Variants in MYLIP observed in about 807,000 individuals in gnomAD.
MYLIP encodes the protein myosin regulatory light chain interacting protein.
A neutral mutation model predicts 45.8 loss-of-function variants in MYLIP; 26 were observed. That is an observed-to-expected ratio of 0.57 (90% CI 0.42 to 0.79). MYLIP has a LOEUF of 0.79. Ranked by LOEUF, MYLIP falls within the 30% of genes least tolerant of loss-of-function variation. The pLI, the probability that MYLIP is intolerant of heterozygous loss-of-function variation, is 0.00. For missense variants in MYLIP, 494 were observed against 555.6 expected (o/e 0.89, Z 1.11); for synonymous variants, 213 against 218.1 (o/e 0.98, Z 0.21).
At position 16,145,417 on chromosome 6, in the gene MYLIP, G is replaced by A. The variant is rs569061086; in HGVS notation, c.1248+100G>A. ...ACTGGCTCGCTAATGCACAGACGGG[G>A]AATGCCCATCTTCACCCGGAAAGGG... On this transcript the variant is annotated intron_variant, in intron 6 of 6. Transcript: ENST00000356840. 5.2e-6 allele frequency: 7 copies of A among 1,338,370 alleles called. No individual in the cohort carries two copies. The South Asian group carries it at 1.1e-4, about 20-fold the overall frequency. The allele number at this position is 1,338,370 out of a possible 1,614,324, so 82.9% of individuals were successfully genotyped here.
chr6:16,130,716 G>A lies in MYLIP; in HGVS notation c.247G>A (p.Glu83Lys), dbSNP rs1439925620. ...RLKLRVKFFV[E>K]PHLILQEQTR... Reference sequence around the variant, plus strand: ...TAAACTTAGAGTCAAGTTCTTCGTGGAGCCTCATCTCATCTTACAGGAGCA... The same window carrying A: ...TAAACTTAGAGTCAAGTTCTTCGTGAAGCCTCATCTCATCTTACAGGAGCA... The change falls in exon 2 of 7, where the codon GAG (glutamate) becomes AAG (lysine). Residue 83 changes from glutamate to lysine, a missense_variant. By Grantham distance (56) the Glu-to-Lys change is moderately conservative. Coordinates refer to ENST00000356840, the MANE Select transcript of MYLIP (RefSeq NM_013262.4). 2 of 1,613,956 alleles carry A rather than the reference G, an allele frequency of 1.2e-6. No homozygotes were observed. The highest frequency in any genetic ancestry group is 1.7e-6 in the Non-Finnish European group (2 of 1,180,014).
chr6:16,143,830 A>G lies in MYLIP; in HGVS notation c.794A>G (p.Tyr265Cys). ...MISTRAASGL[Y>C]RAITETHAFY... ...AGCACCAGGGCGGCCAGCGGGCTCT[A>G]CCGAGCGATAACAGAGACGCACGCA... Residue 265 changes from tyrosine (Y) to cysteine (C), a missense_variant, in exon 5 of 7, where the codon TAC becomes TGC. Transcript: ENST00000356840. The G allele has an allele frequency of 2.5e-6, 4 of 1,613,124 alleles. No individual in the cohort carries two copies. Among genetic ancestry groups the G allele is most frequent in the Non-Finnish European group, 3.4e-6 (4 of 1,179,808 alleles).
the MYLIP span, chr6:16,163,546 T>G: frequency 6.6e-6 from 1 of 152,268 alleles, no homozygotes; most frequent in Non-Finnish European, 1.5e-5. Flanking sequence ...CTCCTCTTTT[T>G]CTAGGTTCTT....
At chr6:16,158,727 G>T in the MYLIP span, among the ~76,000 whole-genome samples, 1 of 152,052 alleles carries the variant, frequency 6.6e-6, no homozygotes, top group African/African-American at 2.4e-5. Flanking sequence ...AAAATTAGCC[G>T]CGCGTGGTGG....
At chr6:16,139,208 C>T (rs1178048539) in intron 2 of MYLIP, among the ~76,000 whole-genome samples, 9 of 152,180 alleles carry the variant, frequency 5.9e-5, no homozygotes, top group Admixed American at 5.9e-4. Flanking sequence ...TGAGACCATC[C>T]TGGCTAACAC....
rs765854280 is a variant in MYLIP, at chr6:16,129,421, G to A, written c.87+12G>A. 6 of 1,570,844 alleles carry A rather than the reference G, an allele frequency of 3.8e-6. No homozygotes were observed. Among genetic ancestry groups the A allele is most frequent in the African/African-American group, 2.7e-5 (2 of 73,734 alleles). ...ACTGCCTCAACCAGGTGAGGGCGAGGGGCAAGAAGGGGCCCCGGCGGGTCC... is the reference window on the plus strand; with the variant it reads ...ACTGCCTCAACCAGGTGAGGGCGAGAGGCAAGAAGGGGCCCCGGCGGGTCC... On this transcript the variant is annotated intron_variant, in intron 1 of 6. Coordinates refer to ENST00000356840, the MANE Select transcript of MYLIP (RefSeq NM_013262.4). The surrounding 1 kb of genome is among the most constrained non-coding windows in gnomAD (Gnocchi z 5.1).
downstream of MYLIP, among the ~76,000 whole-genome samples, chr6:16,151,897 G>C (rs1759884475): frequency 6.6e-6 from 1 of 152,206 alleles, no homozygotes; most frequent in Non-Finnish European, 1.5e-5. Context: ...CTATCAAGGA[G>C]TGATTCTTCT....
chr6:16,130,296 G>T (rs1759432163), intron 1 of MYLIP, among the ~76,000 whole-genome samples: 5 of 152,098 alleles, frequency 3.3e-5, no homozygotes, highest in Admixed American at 3.3e-4. Flanking sequence ...TCATCTTTTG[G>T]AAGGCTACTT....
chr6:16,130,540 A>T lies in MYLIP; in HGVS notation c.88-17A>T. 2 of 1,612,304 alleles carry T rather than the reference A, an allele frequency of 1.2e-6. No individual in the cohort carries two copies. Among genetic ancestry groups the T allele is most frequent in the Non-Finnish European group, 1.7e-6 (2 of 1,178,906 alleles). ...CGTACCATTTGCTCATCCAGGCTGC[A>T]TTCCTTTTTGTTTTAGGTGTGCAGG... On this transcript the variant is annotated splice_polypyrimidine_tract_variant and intron_variant, in intron 1 of 6. Coordinates refer to ENST00000356840, the MANE Select transcript of MYLIP (RefSeq NM_013262.4).
rs1290914624 is a variant in MYLIP, at chr6:16,147,230, ATTG to A, written c.*484_*486del. The A allele has an allele frequency of 1.3e-5, 2 of 154,192 alleles. No homozygotes were observed. The highest frequency in any genetic ancestry group is 1.3e-4 in the Admixed American group (2 of 15,668). The allele number at this position is 154,192 out of a possible 1,614,324, so 9.6% of individuals were successfully genotyped here. ...TTTTTAATAGGAAAGTCTTTTGTAAATTGTTGTCGTTTTAATGTCATTTCTGTC... is the reference window on the plus strand; with the variant it reads ...TTTTTAATAGGAAAGTCTTTTGTAAATTGTCGTTTTAATGTCATTTCTGTC... On this transcript the variant is annotated 3_prime_UTR_variant, in exon 7 of 7. Coordinates refer to ENST00000356840, the MANE Select transcript of MYLIP (RefSeq NM_013262.4).
chr6:16,155,977 G>A, the MYLIP span, among the ~76,000 whole-genome samples: 1 of 152,198 alleles, frequency 6.6e-6, no homozygotes, highest in African/African-American at 2.4e-5. Flanking sequence ...CGAACAAATT[G>A]AAGAGTGGTG....
chr6:16,135,740 T>G (rs1759536483), intron 2 of MYLIP, among the ~76,000 whole-genome samples: 1 of 127,192 alleles, frequency 7.9e-6, no homozygotes, highest in African/African-American at 3.0e-5. Flanking sequence ...ATTATATGTG[T>G]GTGTATACAT....
At chr6:16,162,563 A>G in the MYLIP span, among the ~76,000 whole-genome samples, 1 of 152,208 alleles carries the variant, frequency 6.6e-6, no homozygotes, top group Admixed American at 6.5e-5. Flanking sequence ...AATGTAAAAC[A>G]TGCAGCAGCA....
intron 2 of MYLIP, among the ~76,000 whole-genome samples, chr6:16,139,283 G>A (rs913489656): frequency 6.6e-6 from 1 of 151,948 alleles, no homozygotes; most frequent in Non-Finnish European, 1.5e-5. Flanking sequence ...TAGCTATCGG[G>A]AGGCCGAGGC....
At chr6:16,163,597 T>A in the MYLIP span, 1 of 150,014 alleles carries the variant, frequency 6.7e-6, no homozygotes, top group East Asian at 1.9e-4. Context: ...CTTCCTCATG[T>A]GTGTAGTCTC....
chr6:16,144,070 G>A (rs1759735441), intron 5 of MYLIP, among the ~76,000 whole-genome samples: 1 of 152,000 alleles, frequency 6.6e-6, no homozygotes, highest in South Asian at 2.1e-4. Flanking sequence ...TGTGTGAGCT[G>A]CACAAACACA....
the MYLIP span, among the ~76,000 whole-genome samples, chr6:16,158,267 G>A: frequency 6.6e-6 from 1 of 152,258 alleles, no homozygotes; most frequent in Non-Finnish European, 1.5e-5. Flanking sequence ...TACTGCTGAA[G>A]CAGTTACTTG....
chr6:16,138,220 T>C (rs1360781027), intron 2 of MYLIP, among the ~76,000 whole-genome samples: 3 of 152,158 alleles, frequency 2.0e-5, no homozygotes, highest in Admixed American at 2.0e-4. Context: ...GAATATGTCA[T>C]CTACTTTTGA....
chr6:16,163,048 T>C, the MYLIP span, among the ~76,000 whole-genome samples: 25 of 152,056 alleles, frequency 1.6e-4, no homozygotes, highest in African/African-American at 5.8e-4. Context: ...ATGATGAGGA[T>C]GGCAGACCTG....
Sources: allele counts gnomAD v4.1 joint callset (sites outside exome capture counted in the v4.1 genomes callset), GRCh38; gene constraint gnomAD v4.1.1; non-coding constraint Gnocchi (gnomAD v3.1); transcripts MANE v1.5; gene names NCBI Gene and HGNC (gene_info 2026-07-23, HGNC 2026-07-21).